The following PRODH2 variants were observed in gnomAD, a reference collection of about 807,000 sequenced individuals.
The protein encoded by PRODH2 is hydroxyproline dehydrogenase.
Under a neutral mutation model 51.9 loss-of-function variants are expected in PRODH2, and 49 were observed. That is an observed-to-expected ratio of 0.94 (90% CI 0.75 to 1.20). The LOEUF (loss-of-function observed/expected upper bound fraction) is 1.20, where lower values mean the gene tolerates loss of function less well. Ranked by LOEUF, PRODH2 falls within the 50% of genes most tolerant of loss-of-function variation. The pLI is 0.00. For missense variants in PRODH2, 597 were observed against 610.9 expected (o/e 0.98, Z 0.24); for synonymous variants, 249 against 260.7 (o/e 0.96, Z 0.43).
chr19:35,805,216 G>A (rs1972492869), intron 7 of PRODH2, among the ~76,000 whole-genome samples: 1 of 152,098 alleles, frequency 6.6e-6, no homozygotes, highest in Non-Finnish European at 1.5e-5. Flanking sequence ...TGTTAAAATT[G>A]TGAATTCTAT....
intron 7 of PRODH2, among the ~76,000 whole-genome samples, chr19:35,805,723 G>A (rs1972500384): frequency 6.6e-6 from 1 of 152,206 alleles, no homozygotes; most frequent in South Asian, 2.1e-4. Context: ...TGCCAGTTAA[G>A]CTGATGGTAC....
rs1972513838 is a variant in PRODH2, at chr19:35,806,541, G to A, written c.890C>T (p.Ala297Val). 1 of 1,614,112 alleles carries A rather than the reference G, an allele frequency of 6.2e-7. No homozygotes were observed. ...DAEAAHRAGL[A>V]FGVKLVRGAY... ...ACCTCGTACCAGCTTCACTCCGAAGGCCAGGCCGGCCCTGTGCGCAGCCTC... is the reference window on the plus strand; with the variant it reads ...ACCTCGTACCAGCTTCACTCCGAAGACCAGGCCGGCCCTGTGCGCAGCCTC... Residue 297 changes from alanine to valine, a missense_variant, in exon 7 of 10, where the codon GCC becomes GTC. Physicochemically the swap from Ala to Val is moderately conservative, Grantham distance 64 (BLOSUM62 0). Coordinates refer to ENST00000653904, the MANE Select transcript of PRODH2 (RefSeq NM_021232.2).
intron 7 of PRODH2, 97 bp downstream of exon 7, chr19:35,806,333 C>G (rs1430406068): frequency 4.6e-5 from 68 of 1,467,454 alleles, no homozygotes; most frequent in Non-Finnish European, 6.4e-5. Context: ...AATCTCTAGC[C>G]TCAGCCTCCC....
In PRODH2 at chr19:35,802,983, C is replaced by T. The variant is rs149481373; in HGVS notation, c.1097G>A (p.Arg366His). 1,632 of 1,561,952 alleles carry T rather than the reference C, an allele frequency of 1.0e-3. 6 individuals carry two copies. Among genetic ancestry groups the T allele is most frequent in the Middle Eastern group, 3.8e-3 (23 of 5,986 alleles). The change falls in exon 8 of 10, where the codon CGC (arginine) becomes CAC (histidine). Residue 366 changes from arginine (R) to histidine (H), a missense_variant. Physicochemically the swap from Arg to His is conservative, Grantham distance 29. Transcript: ENST00000653904. ...CACCTCATACCGCTTGGTTGCCTGG[C>T]GAACAGATTCCTCATTGTGGGAAGC... ...MVASHNEESV[R>H]QATKRMWELG...
In PRODH2 at chr19:35,803,035, G is replaced by C; in HGVS notation, c.1045C>G (p.His349Asp). Residue 349 changes from histidine to aspartate, a missense_variant, in exon 8 of 10, where the codon CAT becomes GAT. Transcript: ENST00000653904. ...ACCATGAGGTGGCACATGGGGCCAT[G>C]GCGGGCCACGTGCGTCAGCATCAGT... is the stretch of plus-strand genomic sequence containing the variant. ...LELMLTHVARHGPMCHLMVAS... is the reference protein window; with the variant it reads ...LELMLTHVARDGPMCHLMVAS... 6.4e-7 allele frequency: 1 copy of C among 1,571,768 alleles called. No individual in the cohort carries two copies. Among genetic ancestry groups the C allele is most frequent in the Middle Eastern group, 1.7e-4 (1 of 5,994 alleles).
intron 4 of PRODH2, among the ~76,000 whole-genome samples, chr19:35,810,460 T>G (rs1972591079): frequency 6.7e-6 from 1 of 149,118 alleles, no homozygotes; most frequent in Non-Finnish European, 1.5e-5. Flanking sequence ...TTGGAAACAG[T>G]GGGGGCCGGG....
chr19:35,803,231 T>C (rs931814487), intron 7 of PRODH2, among the ~76,000 whole-genome samples, 153 bp from the exon 8 acceptor site: 1 of 152,098 alleles, frequency 6.6e-6, no homozygotes, highest in Non-Finnish European at 1.5e-5. Context: ...TCTGAGCCAC[T>C]TTCATCTTCT....
intron 9 of PRODH2, among the ~76,000 whole-genome samples, chr19:35,800,805 A>C (rs1448603679): frequency 6.6e-6 from 1 of 151,468 alleles, no homozygotes; most frequent in Non-Finnish European, 1.5e-5. Context: ...CAATCCTCCC[A>C]CCTCAGCCTC....
At chr19:35,808,748 C>T (rs1181694016) in intron 4 of PRODH2, among the ~76,000 whole-genome samples, 1 of 151,848 alleles carries the variant, frequency 6.6e-6, no homozygotes, top group African/African-American at 2.4e-5. Context: ...TCAGCCTTTC[C>T]AGAGCCTGGG....
Position 35,807,109 on chromosome 19 carries a change from A to G in PRODH2, c.610T>C (p.Ser204Pro), listed in dbSNP as rs1327322516. 6.4e-7 allele frequency: 1 copy of G among 1,552,280 alleles called. No individual in the cohort carries two copies. Among genetic ancestry groups the G allele is most frequent in the Non-Finnish European group, 8.7e-7 (1 of 1,147,112 alleles). ...TGGTTCTGCTCAGCATTGAGGCAGG[A>G]GACCTGGAGGTTCTAGGGGGCAGCA... ...AMDSGQNLQV[S>P]CLNAEQNQHL... Residue 204 changes from serine (S) to proline (P), a missense_variant, in exon 5 of 10, where the codon TCC becomes CCC. Coordinates refer to ENST00000653904, the MANE Select transcript of PRODH2 (RefSeq NM_021232.2).
Position 35,806,677 on chromosome 19 carries a change from T to C in PRODH2, c.832A>G (p.Lys278Glu). 6.8e-6 allele frequency: 11 copies of C among 1,614,122 alleles called. No homozygotes were observed. Among genetic ancestry groups the C allele is most frequent in the Non-Finnish European group, 8.5e-6 (10 of 1,179,990 alleles). The change falls in exon 6 of 10, where the codon AAG (lysine) becomes GAG (glutamate). Residue 278 changes from lysine to glutamate, a missense_variant and splice_region_variant. Transcript: ENST00000653904. The stretch of plus-strand genomic sequence containing the variant: ...ACCTCCTGGAACACACTGCACACCT[T>C]TAGACAGGCCTGGTAGGTGTTCCAC... The part of the protein sequence containing the change: ...WVWNTYQACL[K>E]DTFERLGRDA...
chr19:35,806,945 C>G (rs1030497736), intron 5 of PRODH2, 96 bp downstream of exon 5: 1 of 1,542,756 alleles, frequency 6.5e-7, no homozygotes, highest in Non-Finnish European at 8.7e-7. Flanking sequence ...GAGGGAGGCC[C>G]GGAGGTGCTG....
At chr19:35,807,449 C>T (rs1333089990) in intron 4 of PRODH2, among the ~76,000 whole-genome samples, 1 of 152,062 alleles carries the variant, frequency 6.6e-6, no homozygotes, top group Admixed American at 6.6e-5. Flanking sequence ...ATTACAGGCG[C>T]CCGCCACCAT....
intron 7 of PRODH2, 81 bp from the exon 8 acceptor site, chr19:35,803,159 G>T (rs773280897): frequency 1.7e-4 from 158 of 916,374 alleles, no homozygotes; most frequent in Admixed American, 9.3e-4. Flanking sequence ...GTGCTCCTAA[G>T]CAAGGGGTCT....
In PRODH2 at chr19:35,812,663, G is replaced by A. The variant is rs1039246284; in HGVS notation, c.143C>T (p.Ala48Val). The A allele has an allele frequency of 3.1e-6, 5 of 1,596,986 alleles. No individual in the cohort carries two copies. Among genetic ancestry groups the A allele is most frequent in the Admixed American group, 3.4e-5 (2 of 58,868 alleles). The change falls in exon 1 of 10, where the codon GCC becomes GTC. Residue 48 changes from alanine (A) to valine (V), a missense_variant. Coordinates refer to ENST00000653904, the MANE Select transcript of PRODH2 (RefSeq NM_021232.2). ...CCCGTGAGTGACGAGTGGGGGCCAG[G>A]CACACAGCCGGAGAACCAGCAAGGC... ...TRALLVLRLC[A>V]WPPLVTHGLL...
chr19:35,802,039 A>G, intron 9 of PRODH2, 152 bp downstream of exon 9: 1 of 686,510 alleles, frequency 1.5e-6, no homozygotes, highest in Admixed American at 2.3e-5. Context: ...GCAGACACAG[A>G]GACACAGCCT....
chr19:35,806,517 C>T lies in PRODH2; in HGVS notation c.914G>A (p.Gly305Asp). 1 of 1,614,180 alleles carries T rather than the reference C, an allele frequency of 6.2e-7. No individual in the cohort carries two copies. Among genetic ancestry groups the T allele is most frequent in the African/African-American group, 1.3e-5 (1 of 75,046 alleles). ...CGCTCTCTCCTTGTCCAGATATGCA[C>T]CTCGTACCAGCTTCACTCCGAAGGC... ...GLAFGVKLVRGAYLDKERAVA... is the reference protein window; with the variant it reads ...GLAFGVKLVRDAYLDKERAVA... Residue 305 changes from glycine (G) to aspartate (D), a missense_variant, in exon 7 of 10, where the codon GGT becomes GAT. By Grantham distance (94) the Gly-to-Asp change is moderately conservative (BLOSUM62 -1). Coordinates refer to ENST00000653904, the MANE Select transcript of PRODH2 (RefSeq NM_021232.2).
chr19:35,800,755 T>G (rs1389991485), intron 9 of PRODH2, among the ~76,000 whole-genome samples: 3 of 152,038 alleles, frequency 2.0e-5, no homozygotes, highest in African/African-American at 4.8e-5. Flanking sequence ...TGCAGTGGTG[T>G]GATCACGACT....
At position 35,812,001 on chromosome 19, in the gene PRODH2, C is replaced by T; in HGVS notation, c.558G>A (p.Leu186=). The T allele has an allele frequency of 6.2e-7, 1 of 1,614,240 alleles. No homozygotes were observed. Among genetic ancestry groups the T allele is most frequent in the Non-Finnish European group, 8.5e-7 (1 of 1,180,030 alleles). Residue 186 remains leucine, a synonymous_variant, in exon 4 of 10, where the codon CTG becomes CTA. Coordinates refer to ENST00000653904, the MANE Select transcript of PRODH2 (RefSeq NM_021232.2). The part of the protein sequence containing the change: ...WVRRPGASLE[L]SPERLAEAMD... ...TAGCTTCAGCCAGCCTCTCGGGGCT[C>T]AGCTCCAAGGAGGCTCCTGGCCTTC...
Sources: allele counts gnomAD v4.1 joint callset (sites outside exome capture counted in the v4.1 genomes callset), GRCh38; gene constraint gnomAD v4.1.1; transcripts MANE v1.5; gene names NCBI Gene and HGNC (gene_info 2026-07-23, HGNC 2026-07-21).